The following ADGRV1 variants were observed in gnomAD, a reference collection of about 807,000 sequenced individuals.
ADGRV1 encodes adhesion G protein-coupled receptor V1.
Under a neutral mutation model 596.2 loss-of-function variants are expected in ADGRV1, and 359 were observed. The observed-to-expected ratio is 0.60, with a 90% CI of 0.55 to 0.66. The LOEUF is 0.66. Among genes scored for constraint, ADGRV1 ranks in the 30% least tolerant of loss-of-function variants. ADGRV1 has a pLI of 0.00. For synonymous variants in ADGRV1, 2,681 were observed against 2,679.2 expected, an observed-to-expected ratio of 1.00 and a Z score of -0.02; for missense variants, 7,274 against 7,575.6, an observed-to-expected ratio of 0.96 and a Z score of 1.48.
At chr5:91,069,859 G>A (rs527363934) in intron 85 of ADGRV1, among the ~76,000 whole-genome samples, 2 of 151,174 alleles carry the variant, frequency 1.3e-5, no homozygotes, top group Non-Finnish European at 2.9e-5. Context: ...AATCAACCCA[G>A]GTGCCCAACA....
chr5:90,640,012 T>C (rs772010183), intron 11 of ADGRV1, among the ~76,000 whole-genome samples: 37 of 152,306 alleles, frequency 2.4e-4, no homozygotes, highest in Middle Eastern at 6.8e-3. Context: ...ACTAAAAAAC[T>C]TGTGGTGCTT....
intron 45 of ADGRV1, among the ~76,000 whole-genome samples, chr5:90,721,514 TAAAA>T (rs1750947861): frequency 3.9e-5 from 2 of 51,450 alleles, no homozygotes; most frequent in African/African-American, 2.9e-4. Context: ...AAAAATAAAA[TAAAA>T]TAAAATAAAA....
intron 17 of ADGRV1, among the ~76,000 whole-genome samples, chr5:90,649,163 C>G (rs1054940641): frequency 3.3e-5 from 5 of 151,882 alleles, no homozygotes; most frequent in Non-Finnish European, 5.9e-5. Context: ...ACCACCATGC[C>G]CAGCTAATTT....
At chr5:90,767,948 G>C (rs1409877628) in intron 59 of ADGRV1, among the ~76,000 whole-genome samples, 3 of 152,136 alleles carry the variant, frequency 2.0e-5, no homozygotes, top group Non-Finnish European at 4.4e-5. Context: ...AAACATCTAG[G>C]TTGTGTGCCC....
chr5:90,722,697 A>G (rs1273094672), intron 45 of ADGRV1, among the ~76,000 whole-genome samples: 1 of 119,254 alleles, frequency 8.4e-6, no homozygotes, highest in Non-Finnish European at 1.6e-5. Flanking sequence ...CCTGGGCAAC[A>G]AGAGCAAAAA....
Position 90,693,980 on chromosome 5 carries a change from G to C in ADGRV1, c.7224G>C (p.Leu2408=), listed in dbSNP as rs1746833949. The part of the protein sequence containing the change: ...ALAMEEGQDL[L]SYYESPIQGV... ...CAATGGAGGAAGGTCAAGATTTACT[G>C]TCCTACTATGAATCTCCAATTCAAG... is the stretch of plus-strand genomic sequence containing the variant. Residue 2408 remains leucine (L), a synonymous_variant, in exon 33 of 90, where the codon CTG becomes CTC. Coordinates refer to ENST00000405460, the MANE Select transcript of ADGRV1 (RefSeq NM_032119.4). 2 of 1,613,160 alleles carry C rather than the reference G, an allele frequency of 1.2e-6. No homozygotes were observed. The highest frequency in any genetic ancestry group is 1.7e-6 in the Non-Finnish European group (2 of 1,179,560).
intron 64 of ADGRV1, chr5:90,780,185 T>G (rs1299313033): frequency 6.6e-6 from 1 of 152,154 alleles, no homozygotes; most frequent in Non-Finnish European, 1.5e-5. Context: ...TTTGCTACTG[T>G]TTTTTTAAAA....
At chr5:90,689,668 G>A (rs569835604) in intron 29 of ADGRV1, among the ~76,000 whole-genome samples, 193 bp from the exon 30 acceptor site, 2 of 152,072 alleles carry the variant, frequency 1.3e-5, no homozygotes, top group South Asian at 4.2e-4. Context: ...TCGTTATTTT[G>A]TGACATTATC....
At chr5:90,785,303 TAGGA>T (rs542199765) in intron 67 of ADGRV1, among the ~76,000 whole-genome samples, 2,904 of 152,258 alleles carry the variant, frequency 0.019, 98 homozygotes, top group African/African-American at 0.067. Context: ...ATAAAAACCC[TAGGA>T]GAAAACCTAG....
chr5:90,673,013 C>T (rs1772703539), intron 22 of ADGRV1: 1 of 306,244 alleles, frequency 3.3e-6, no homozygotes, highest in South Asian at 1.4e-4. Flanking sequence ...GGGACTGGGG[C>T]CATGTCTAAC....
intron 9 of ADGRV1, among the ~76,000 whole-genome samples, chr5:90,631,769 G>A (rs75126924): frequency 2.6e-5 from 4 of 152,140 alleles, no homozygotes; most frequent in East Asian, 3.9e-4. Context: ...AAATGGCCAC[G>A]CACATGACTT....
At chr5:90,909,331 T>C (rs888043419) in intron 83 of ADGRV1, among the ~76,000 whole-genome samples, 1 of 152,204 alleles carries the variant, frequency 6.6e-6, no homozygotes, top group Non-Finnish European at 1.5e-5. Context: ...ATGTTGCTAT[T>C]ATGCCTTGGT....
At chr5:90,969,850 C>T (rs1441036969) in intron 84 of ADGRV1, among the ~76,000 whole-genome samples, 1 of 152,226 alleles carries the variant, frequency 6.6e-6, no homozygotes, top group East Asian at 1.9e-4. Flanking sequence ...CTGGGTTCAT[C>T]TCACGGGGCC....
At chr5:91,107,555 C>T (rs2126675752) in intron 87 of ADGRV1, among the ~76,000 whole-genome samples, 1 of 152,204 alleles carries the variant, frequency 6.6e-6, no homozygotes, top group Middle Eastern at 3.4e-3. Flanking sequence ...ATGTAATGCC[C>T]TCTCTTTTCT....
chr5:90,849,508 A>C (rs535623452), intron 79 of ADGRV1, among the ~76,000 whole-genome samples: 6 of 151,602 alleles, frequency 4.0e-5, no homozygotes, highest in African/African-American at 1.5e-4. Context: ...TCTCACCTCA[A>C]CCTCCCTAAT....
chr5:91,135,888 G>A (rs1424565139), intron 87 of ADGRV1, among the ~76,000 whole-genome samples: 1 of 152,176 alleles, frequency 6.6e-6, no homozygotes, highest in African/African-American at 2.4e-5. Flanking sequence ...GGGGAGGCCA[G>A]AGAAGCATCT....
chr5:90,786,452 T>G (rs1190076723), intron 67 of ADGRV1, among the ~76,000 whole-genome samples: 13 of 152,182 alleles, frequency 8.5e-5, no homozygotes. Context: ...TAGAAAATCG[T>G]AAGCCAGAGA....
chr5:90,785,727 C>G (rs937665242), intron 67 of ADGRV1, among the ~76,000 whole-genome samples: 1 of 152,094 alleles, frequency 6.6e-6, no homozygotes, highest in Non-Finnish European at 1.5e-5. Flanking sequence ...GTTAGAATGG[C>G]GATCATTAAA....
Position 90,753,605 on chromosome 5 carries a change from C to G in ADGRV1, c.11153C>G (p.Thr3718Arg). 6.2e-7 allele frequency: 1 copy of G among 1,611,334 alleles called. No homozygotes were observed. The highest frequency in any genetic ancestry group is 8.5e-7 in the Non-Finnish European group (1 of 1,177,674). Reference protein sequence around the residue: ...ILFTEGQVLSTITLTILADNI... With the variant: ...ILFTEGQVLSRITLTILADNI... The stretch of plus-strand genomic sequence containing the variant: ...TTTACTGAAGGCCAGGTACTGTCAA[C>G]AATCACTCTAACTATTCTTGCTGAT... Residue 3718 changes from threonine to arginine, a missense_variant, in exon 54 of 90, where the codon ACA (threonine) becomes AGA (arginine). Thr to Arg is a moderately conservative substitution (Grantham distance 71). Coordinates refer to ENST00000405460, the MANE Select transcript of ADGRV1 (RefSeq NM_032119.4).
Sources: gnomAD v4.1 joint callset for allele counts (sites outside exome capture counted in the v4.1 genomes callset) on GRCh38, gnomAD v4.1.1 for gene constraint, MANE v1.5 for transcripts, NCBI Gene and HGNC (gene_info 2026-07-23, HGNC 2026-07-21) for gene names.